Variants in FBLN1 observed in about 807,000 individuals in gnomAD.
FBLN1 encodes the protein fibulin-1.
Under a neutral mutation model 89.7 loss-of-function variants are expected in FBLN1, and 34 were observed. That is an observed-to-expected ratio of 0.38 (90% confidence interval 0.29 to 0.50). The LOEUF is 0.50. FBLN1 is among the 20% of genes least tolerant of loss of function. The pLI, the probability that FBLN1 is intolerant of heterozygous loss-of-function variation, is 0.92. For synonymous variants in FBLN1, 393 were observed against 391.3 expected, an observed-to-expected ratio of 1.00 and a Z score of -0.05; for missense variants, 777 against 988.1, an observed-to-expected ratio of 0.79 and a Z score of 2.86.
rs1434340833 is a variant in FBLN1 at position 45,596,805 on chromosome 22, A to C, written c.1973-3502A>C. On this transcript the variant is annotated intron_variant, in intron 16 of 16. Transcript: ENST00000327858. Reference sequence around the variant, plus strand: ...ATTATATTTACATATAAATACACTTATGTGTAAATATAATTATATAATAAT... The same window carrying C: ...ATTATATTTACATATAAATACACTTCTGTGTAAATATAATTATATAATAAT... Among the ~76,000 whole-genome samples the C allele has an allele frequency of 1.6e-4, 13 of 79,238 alleles. No homozygotes were observed. In the African/African-American group the frequency reaches 2.0e-3, roughly 12 times the overall value. 52.0% of individuals were successfully genotyped at this position (79,238 alleles called of 152,430 possible).
chr22:45,542,592 G>A (rs1408322986), intron 10 of FBLN1, among the ~76,000 whole-genome samples: 2 of 152,224 alleles, frequency 1.3e-5, no homozygotes, highest in African/African-American at 2.4e-5. Flanking sequence ...CAGCATCAGC[G>A]ATTTCCTGGA....
chr22:45,587,479 C>T (rs1379899334), intron 16 of FBLN1, among the ~76,000 whole-genome samples: 13 of 152,158 alleles, frequency 8.5e-5, no homozygotes, highest in Admixed American at 5.9e-4. Context: ...CTATCTCCCT[C>T]GCCTGCTCCT....
chr22:45,512,411 C>T (rs1382858572), intron 1 of FBLN1, among the ~76,000 whole-genome samples: 1 of 152,054 alleles, frequency 6.6e-6, no homozygotes, highest in Non-Finnish European at 1.5e-5. Context: ...GCCCCAGTCC[C>T]CTTTTTGCCC....
At position 45,574,341 on chromosome 22, in the gene FBLN1, C is replaced by T. The variant is rs2088975298; in HGVS notation, c.1698-170C>T. 6.6e-6 allele frequency among the ~76,000 whole-genome samples: 1 copy of T among 152,202 alleles called. No individual in the cohort carries two copies. Among genetic ancestry groups the T allele is most frequent in the Non-Finnish European group, 1.5e-5 (1 of 68,022 alleles). ...CAGTTTGCAGGAAGGGCCATGAAGC[C>T]TCCCCACAGAGCAGCCAGGCTGCAG... On this transcript the variant is annotated intron_variant, in intron 14 of 16. Transcript: ENST00000327858. The surrounding 1 kb of genome is among the most constrained non-coding windows in gnomAD (Gnocchi z 4.1).
intron 14 of FBLN1, among the ~76,000 whole-genome samples, chr22:45,567,221 C>T (rs2088907681): frequency 6.6e-6 from 1 of 152,226 alleles, no homozygotes; most frequent in African/African-American, 2.4e-5. Flanking sequence ...TCTCACAGAG[C>T]CCGCTCTGCC....
In FBLN1 at chr22:45,517,620, C is replaced by T. The variant is rs1445742710; in HGVS notation, c.80-1062C>T. 10 of 471,134 alleles carry T rather than the reference C, an allele frequency of 2.1e-5. No homozygotes were observed. In the East Asian group the frequency reaches 6.2e-4, roughly 29 times the overall value. The allele number at this position is 471,134 out of a possible 1,614,324, so 29.2% of individuals were successfully genotyped here. The stretch of plus-strand genomic sequence containing the variant: ...GGCCAGGCTGCGGTTACTCCTGAAC[C>T]TGTGCTCTCTGCTTTGCCAGTCCTG... On this transcript the variant is annotated intron_variant, in intron 1 of 16. Coordinates refer to ENST00000327858, the MANE Select transcript of FBLN1 (RefSeq NM_006486.3).
At chr22:45,565,112 C>G in intron 14 of FBLN1, 1 of 1,590,258 alleles carries the variant, frequency 6.3e-7, no homozygotes, top group Non-Finnish European at 8.5e-7. Context: ...CTGGCCCTCT[C>G]TCTGATCATG....
rs2088864405 is a variant in FBLN1 at position 45,562,845 on chromosome 22, T to C, written c.1698-11666T>C. 1.3e-6 allele frequency: 2 copies of C among 1,508,450 alleles called. No homozygotes were observed. Among genetic ancestry groups the C allele is most frequent in the Admixed American group, 1.7e-5 (1 of 59,924 alleles). The allele number at this position is 1,508,450 out of a possible 1,614,324, so 93.4% of individuals were successfully genotyped here. On this transcript the variant is annotated intron_variant, in intron 14 of 16. Coordinates refer to ENST00000327858, the MANE Select transcript of FBLN1 (RefSeq NM_006486.3). The surrounding 1 kb of genome is among the most constrained non-coding windows in gnomAD (Gnocchi z 7.8). ...CTGCCAGCCCCGCATCCCCGCGCTCTGCCGTTTCTCCGCTTGCTGGACCGG... is the reference window on the plus strand; with the variant it reads ...CTGCCAGCCCCGCATCCCCGCGCTCCGCCGTTTCTCCGCTTGCTGGACCGG...
At chr22:45,551,896 T>C (rs1232967941) in intron 14 of FBLN1, among the ~76,000 whole-genome samples, 1 of 152,206 alleles carries the variant, frequency 6.6e-6, no homozygotes, top group Non-Finnish European at 1.5e-5. Context: ...GACCTCGATT[T>C]CTAACTTGCG....
chr22:45,526,335 G>A (rs1176614614), intron 3 of FBLN1, among the ~76,000 whole-genome samples: 1 of 152,192 alleles, frequency 6.6e-6, no homozygotes, highest in East Asian at 1.9e-4. Context: ...GCCGTGGAAG[G>A]GCTGTGTCTT....
At position 45,563,212 on chromosome 22, in the gene FBLN1, C is replaced by T. The variant is rs760737580; in HGVS notation, c.1698-11299C>T. The T allele has an allele frequency of 1.2e-6, 2 of 1,613,820 alleles. No homozygotes were observed. The highest frequency in any genetic ancestry group is 1.3e-5 in the African/African-American group (1 of 75,054). Reference sequence around the variant, plus strand: ...TCAAGATGGATCTCTCTCGCCACGGCACCGTCAGCTCCTTTGTGGCCAAGC... The same window carrying T: ...TCAAGATGGATCTCTCTCGCCACGGTACCGTCAGCTCCTTTGTGGCCAAGC... On this transcript the variant is annotated intron_variant, in intron 14 of 16. Transcript: ENST00000327858. The surrounding 1 kb of genome is among the most constrained non-coding windows in gnomAD (Gnocchi z 5.7).
rs752879898 is a variant in FBLN1 at position 45,531,287 on chromosome 22, G to A, written c.507G>A (p.Glu169=). ...QETDKIIEVE[E]EQEDPYLNDR... is the part of the protein sequence containing the mutation. ...TAGATAAGATCATTGAGGTTGAGGA[G>A]GAACAAGAGGACCCATATCTGAATG... Residue 169 remains glutamate (E), a synonymous_variant, in exon 5 of 17, where the codon GAG becomes GAA. Coordinates refer to ENST00000327858, the MANE Select transcript of FBLN1 (RefSeq NM_006486.3). The surrounding 1 kb of genome is among the most constrained non-coding windows in gnomAD (Gnocchi z 4.9). 3.1e-6 allele frequency: 5 copies of A among 1,613,942 alleles called. No homozygotes were observed. The highest frequency in any genetic ancestry group is 2.7e-5 in the African/African-American group (2 of 74,926).
rs8138025 is a variant in FBLN1 at position 45,578,877 on chromosome 22, A to G, written c.1972+1769A>G. ...CTCTACCTGTGCCTGACCCTGGGCT[A>G]AGCCTTGCAGATACAGAGATGGATA... is the stretch of plus-strand genomic sequence containing the variant. On this transcript the variant is annotated intron_variant, in intron 16 of 16. Transcript: ENST00000327858. This position sits in a 1 kb window ranked among gnomAD's most constrained non-coding sequence, Gnocchi z 4.6. Among the ~76,000 whole-genome samples the G allele has an allele frequency of 0.67, 101,654 of 152,162 alleles. 34,606 individuals are homozygous for G. Among genetic ancestry groups the G allele is most frequent in the African/African-American group, 0.76 (31,730 of 41,542 alleles).
chr22:45,552,394 G>A lies in FBLN1; in HGVS notation c.1697+1779G>A, dbSNP rs12484802. On this transcript the variant is annotated intron_variant, in intron 14 of 16. Coordinates refer to ENST00000327858, the MANE Select transcript of FBLN1 (RefSeq NM_006486.3). ...AAGGGATTGAGCTGCTGGGCGCCTG[G>A]CTTGTTCCAGCCCTTGGACTCCCGG... Among the ~76,000 whole-genome samples, 126 of 152,322 alleles carry A rather than the reference G, an allele frequency of 8.3e-4. 1 individual carries two copies. Among genetic ancestry groups the A allele is most frequent in the Admixed American group, 5.8e-3 (89 of 15,302 alleles).
Position 45,550,719 on chromosome 22 carries a change from C to T in FBLN1, c.1697+104C>T. The T allele has an allele frequency of 6.6e-7, 1 of 1,520,774 alleles. No individual in the cohort carries two copies. 94.2% of individuals were successfully genotyped at this position (1,520,774 alleles called of 1,614,324 possible). ...TCAGGCTGTGACCTCGGTGTCCTCC[C>T]ATGAGGGACTCAGGGCACTCAAAGA... On this transcript the variant is annotated intron_variant, in intron 14 of 16. Coordinates refer to ENST00000327858, the MANE Select transcript of FBLN1 (RefSeq NM_006486.3). This position sits in a 1 kb window ranked among gnomAD's most constrained non-coding sequence, Gnocchi z 8.4.
At chr22:45,541,039 G>A (rs2088548999) in intron 8 of FBLN1, among the ~76,000 whole-genome samples, 190 bp from the exon 9 acceptor site, 2 of 152,254 alleles carry the variant, frequency 1.3e-5, no homozygotes, top group Admixed American at 1.3e-4. Flanking sequence ...TGGTGTTTGA[G>A]GCGGTATGCA....
chr22:45,550,837 G>C lies in FBLN1; in HGVS notation c.1697+222G>C, dbSNP rs945498428. On this transcript the variant is annotated intron_variant, in intron 14 of 16. Coordinates refer to ENST00000327858, the MANE Select transcript of FBLN1 (RefSeq NM_006486.3). This position sits in a 1 kb window ranked among gnomAD's most constrained non-coding sequence, Gnocchi z 8.4. ...ACTGCAAATGAGTCTGGGGTCTATAGTCATGTTTTCAGGCCAAGGCTGTGC... is the reference window on the plus strand; with the variant it reads ...ACTGCAAATGAGTCTGGGGTCTATACTCATGTTTTCAGGCCAAGGCTGTGC... 4.7e-6 allele frequency: 3 copies of C among 637,984 alleles called. No individual in the cohort carries two copies. Among genetic ancestry groups the C allele is most frequent in the Middle Eastern group, 4.3e-4 (1 of 2,330 alleles). 39.5% of individuals were successfully genotyped at this position (637,984 alleles called of 1,614,324 possible). A position where few individuals can be genotyped will look rare whatever the true frequency, so the allele number is the denominator to read the frequency against.
intron 14 of FBLN1, among the ~76,000 whole-genome samples, chr22:45,552,219 G>C (rs565125782): frequency 2.0e-5 from 3 of 152,316 alleles, no homozygotes; most frequent in Admixed American, 2.0e-4. Flanking sequence ...CTGGCTGGGC[G>C]TGAGGGTGGG....
At chr22:45,573,784 G>C (rs1450832556) in intron 14 of FBLN1, among the ~76,000 whole-genome samples, 1 of 151,964 alleles carries the variant, frequency 6.6e-6, no homozygotes, top group Non-Finnish European at 1.5e-5. Flanking sequence ...TGGCAGTTGC[G>C]GGGCGTTTGG....
Sources: allele counts gnomAD v4.1 joint callset (sites outside exome capture counted in the v4.1 genomes callset), GRCh38; gene constraint gnomAD v4.1.1; non-coding constraint Gnocchi (gnomAD v3.1); transcripts MANE v1.5; gene names NCBI Gene and HGNC (gene_info 2026-07-23, HGNC 2026-07-21).